The following DHX15 variants were observed in gnomAD, a reference collection of about 807,000 sequenced individuals.
DHX15 encodes ATP-dependent RNA helicase DHX15.
In DHX15, 11 loss-of-function variants were observed where a neutral mutation model predicts 94.4. The observed-to-expected ratio is 0.12, with a 90% CI of 0.07 to 0.19. The LOEUF (loss-of-function observed/expected upper bound fraction) is 0.19, where lower values mean the gene tolerates loss of function less well. Among genes scored for constraint, DHX15 ranks in the 10% least tolerant of loss-of-function variants. The pLI is 1.00. For synonymous variants in DHX15, 338 were observed against 329.9 expected, an observed-to-expected ratio of 1.02 and a Z score of -0.27; for missense variants, 304 against 988.5, an observed-to-expected ratio of 0.31 and a Z score of 9.29.
chr4:24,552,023 C>T (rs1245643725), intron 5 of DHX15, among the ~76,000 whole-genome samples: 1 of 152,182 alleles, frequency 6.6e-6, no homozygotes, highest in East Asian at 1.9e-4. Context: ...TCCCGTAACA[C>T]TTAAGTTTTT....
At chr4:24,538,082 A>T (rs1029923299) in intron 10 of DHX15, 1 of 152,182 alleles carries the variant, frequency 6.6e-6, no homozygotes, top group Non-Finnish European at 1.5e-5. Flanking sequence ...CATGTACTAC[A>T]TTTTTTGAAA....
intron 6 of DHX15, among the ~76,000 whole-genome samples, chr4:24,545,514 C>T (rs932854436): frequency 6.6e-6 from 1 of 152,066 alleles, no homozygotes; most frequent in Non-Finnish European, 1.5e-5. Flanking sequence ...GAGCCTATTG[C>T]CAGCCAAAAG....
At chr4:24,556,133 ACTAGTTCCTT>A in intron 4 of DHX15, 108 bp downstream of exon 4, 2 of 728,304 alleles carry the variant, frequency 2.7e-6, no homozygotes, top group Admixed American at 5.5e-5. Flanking sequence ...GAAGGTACTT[ACTAGTTCCTT>A]CTTTTACAGG....
At chr4:24,547,929 A>G (rs374995594) in intron 6 of DHX15, among the ~76,000 whole-genome samples, 1 of 41,028 alleles carries the variant, frequency 2.4e-5, no homozygotes, top group Non-Finnish European at 4.4e-5. Context: ...ATATATATAT[A>G]TATATATATA....
At chr4:24,579,688 G>T (rs1458282119) in intron 1 of DHX15, among the ~76,000 whole-genome samples, 1 of 152,208 alleles carries the variant, frequency 6.6e-6, no homozygotes, top group Admixed American at 6.5e-5. Context: ...GTATAGATAG[G>T]ATTAAATGAG....
intron 12 of DHX15, chr4:24,530,778 C>T (rs1461830458): frequency 6.6e-6 from 1 of 152,016 alleles, no homozygotes; most frequent in Non-Finnish European, 1.5e-5. Context: ...TCTCCCTTTC[C>T]AATTCTAATA....
At chr4:24,547,444 C>T (rs752825734) in intron 6 of DHX15, among the ~76,000 whole-genome samples, 12 of 152,194 alleles carry the variant, frequency 7.9e-5, no homozygotes, top group African/African-American at 2.6e-4. Context: ...TTTACTTCAA[C>T]GACAGCAAGA....
chr4:24,528,434 T>A (rs1183116504), intron 13 of DHX15, among the ~76,000 whole-genome samples: 3 of 152,168 alleles, frequency 2.0e-5, no homozygotes, highest in Non-Finnish European at 4.4e-5. Context: ...ATCTTTTCAT[T>A]TTCAATGTTT....
intron 3 of DHX15, among the ~76,000 whole-genome samples, chr4:24,567,422 C>T (rs1255066981): frequency 2.0e-5 from 3 of 151,308 alleles, no homozygotes; most frequent in African/African-American, 7.3e-5. Flanking sequence ...ACTAAAAATA[C>T]AAAAATTAGC....
chr4:24,576,467 T>C lies in DHX15; in HGVS notation c.283A>G (p.Thr95Ala). 1.9e-6 allele frequency: 3 copies of C among 1,614,152 alleles called. No individual in the cohort carries two copies. Among genetic ancestry groups the C allele is most frequent in the Non-Finnish European group, 2.5e-6 (3 of 1,180,002 alleles). The change falls in exon 2 of 14, where the codon ACA (threonine) becomes GCA (alanine). Residue 95 changes from threonine (T) to alanine (A), a missense_variant. Transcript: ENST00000336812. The stretch of plus-strand genomic sequence containing the variant: ...GCATGCGTTGAATGAGCAGAATGTG[T>C]TGAATGCGTTGAATGTGCTGAGTGG... ...STHSAHSTHSTHSAHSTHAGH... is the reference protein window; with the variant it reads ...STHSAHSTHSAHSAHSTHAGH...
chr4:24,544,947 A>G (rs1209012443), intron 6 of DHX15, among the ~76,000 whole-genome samples: 1 of 152,070 alleles, frequency 6.6e-6, no homozygotes, highest in Non-Finnish European at 1.5e-5. Flanking sequence ...CACCTCTACA[A>G]AAAAATAAAA....
At position 24,550,868 on chromosome 4, in the gene DHX15, T is replaced by C. The variant is rs186180243; in HGVS notation, c.1081-1846A>G. Among the ~76,000 whole-genome samples the C allele has an allele frequency of 3.5e-3, 536 of 152,310 alleles. 2 individuals carry two copies. The highest frequency in any genetic ancestry group is 0.012 in the African/African-American group (510 of 41,568). ...ATAATTGTACATACTATATAGTACT[T>C]TTAAAACAACTGGCAGCAAAGTAGG... is the stretch of plus-strand genomic sequence containing the variant. On this transcript the variant is annotated intron_variant, in intron 5 of 13. Transcript: ENST00000336812.
intron 5 of DHX15, among the ~76,000 whole-genome samples, chr4:24,550,610 C>G (rs181083624): frequency 2.0e-3 from 311 of 152,284 alleles, no homozygotes; most frequent in African/African-American, 7.3e-3. Flanking sequence ...TCCACCTTAA[C>G]GTATTAACCC....
intron 3 of DHX15, chr4:24,563,382 G>A (rs796104865): frequency 1.5e-4 from 23 of 152,134 alleles, no homozygotes; most frequent in African/African-American, 4.8e-4. Flanking sequence ...ACTACATCCC[G>A]GAACTCTTGG....
chr4:24,571,407 G>C (rs1016035447), intron 2 of DHX15, among the ~76,000 whole-genome samples: 1 of 152,166 alleles, frequency 6.6e-6, no homozygotes, highest in Non-Finnish European at 1.5e-5. Context: ...TCAATTTTAA[G>C]AACTGCCAGT....
intron 2 of DHX15, 112 bp downstream of exon 2, chr4:24,576,131 C>T: frequency 1.2e-6 from 1 of 814,520 alleles, no homozygotes; most frequent in Non-Finnish European, 1.9e-6. Flanking sequence ...ATCAGCTATT[C>T]TTCAAGATGT....
chr4:24,547,879 CTCTCTCTCTCTATGTA>C (rs1286149419), intron 6 of DHX15, among the ~76,000 whole-genome samples: 5 of 69,022 alleles, frequency 7.2e-5, no homozygotes, highest in Admixed American at 1.4e-4. Context: ...CTCTCTCTCT[CTCTCTCTCTCTATGTA>C]TGTATGTGTA....
intron 1 of DHX15, 71 bp downstream of exon 1, chr4:24,584,252 G>C: frequency 6.7e-7 from 1 of 1,489,162 alleles, no homozygotes; most frequent in Non-Finnish European, 9.1e-7. Flanking sequence ...GGCCAGGCCA[G>C]CCCCGGCCCG....
In DHX15 at chr4:24,580,147, C is replaced by G. The variant is rs535672076; in HGVS notation, c.72-3469G>C. On this transcript the variant is annotated intron_variant, in intron 1 of 13. Coordinates refer to ENST00000336812, the MANE Select transcript of DHX15 (RefSeq NM_001358.3). Reference sequence around the variant, plus strand: ...GGAGGGCAAGACCTAGTGACTCACGCATGTAATCCCAGTGCTTTGGGAGGC... The same window carrying G: ...GGAGGGCAAGACCTAGTGACTCACGGATGTAATCCCAGTGCTTTGGGAGGC... Among the ~76,000 whole-genome samples, 3 of 152,328 alleles carry G rather than the reference C, an allele frequency of 2.0e-5. No individual in the cohort carries two copies. In the South Asian group the frequency reaches 6.2e-4, roughly 32 times the overall value.
Sources: allele counts gnomAD v4.1 joint callset (sites outside exome capture counted in the v4.1 genomes callset), GRCh38; gene constraint gnomAD v4.1.1; transcripts MANE v1.5; gene names NCBI Gene and HGNC (gene_info 2026-07-23, HGNC 2026-07-21).